The following ARHGAP18 variants were observed in gnomAD, a reference collection of about 807,000 sequenced individuals.
ARHGAP18 encodes the protein Rho GTPase activating protein 18.
ARHGAP18 carries 67 observed loss-of-function variants against 86.2 expected under a neutral mutation model. The observed-to-expected ratio is 0.78, with a 90% CI of 0.64 to 0.95. The LOEUF is 0.95. Among genes scored for constraint, ARHGAP18 ranks in the 40% least tolerant of loss-of-function variants. The pLI, the probability that ARHGAP18 is intolerant of heterozygous loss-of-function variation, is 0.00. For synonymous variants in ARHGAP18, 283 were observed against 280.4 expected (o/e 1.01, Z -0.09); for missense variants, 691 against 780.4 (o/e 0.89, Z 1.37).
chr6:129,629,167 G>A (rs1329008186), intron 5 of ARHGAP18, among the ~76,000 whole-genome samples, 186 bp downstream of exon 5: 1 of 151,834 alleles, frequency 6.6e-6, no homozygotes, highest in African/African-American at 2.4e-5. Context: ...GAGGATTGCT[G>A]GAGCCCAGGA....
chr6:129,679,833 G>A (rs1774294513), intron 1 of ARHGAP18, among the ~76,000 whole-genome samples: 1 of 152,156 alleles, frequency 6.6e-6, no homozygotes, highest in African/African-American at 2.4e-5. Context: ...CTAAAAGTCT[G>A]GAGACTAGAA....
chr6:129,688,344 A>G (rs1774467785), intron 1 of ARHGAP18, among the ~76,000 whole-genome samples: 1 of 128,220 alleles, frequency 7.8e-6, no homozygotes, highest in African/African-American at 2.8e-5. Context: ...ACCTATAGCA[A>G]GGTTTAAAAA....
chr6:129,592,261 C>T (rs2114438434), intron 12 of ARHGAP18, among the ~76,000 whole-genome samples: 1 of 152,282 alleles, frequency 6.6e-6, no homozygotes, highest in African/African-American at 2.4e-5. Context: ...TGAAACAATA[C>T]CTGCAACAAT....
chr6:129,700,891 C>T (rs1774698021), intron 1 of ARHGAP18, among the ~76,000 whole-genome samples: 2 of 151,966 alleles, frequency 1.3e-5, no homozygotes, highest in South Asian at 4.1e-4. Flanking sequence ...TATGCAATCA[C>T]TACGCCTCCT....
At chr6:129,685,149 CT>C (rs1349873114) in intron 1 of ARHGAP18, among the ~76,000 whole-genome samples, 1 of 152,136 alleles carries the variant, frequency 6.6e-6, no homozygotes. Context: ...GTTTTCTTCA[CT>C]TTTGGGCCTC....
At chr6:129,587,947 C>G (rs1442116539) in intron 12 of ARHGAP18, among the ~76,000 whole-genome samples, 1 of 152,142 alleles carries the variant, frequency 6.6e-6, no homozygotes, top group Non-Finnish European at 1.5e-5. Flanking sequence ...TGAGACAAGG[C>G]AAGTCTCTTC....
chr6:129,621,018 T>C (rs9402150), intron 5 of ARHGAP18, among the ~76,000 whole-genome samples: 37,054 of 152,120 alleles, frequency 0.24, 4,783 homozygotes, highest in Non-Finnish European at 0.28. Flanking sequence ...TACACTTAAT[T>C]TTCTTTAGAA....
At chr6:129,676,915 C>CTTTTTTTTTTTTTTTTTTTTTTTT (rs10688716) in intron 1 of ARHGAP18, among the ~76,000 whole-genome samples, 2 of 37,960 alleles carry the variant, frequency 5.3e-5, no homozygotes, top group African/African-American at 1.4e-4. Context: ...TTTTTGTCCT[C>CTTTTTTTTTTTTTTTTTTTTTTTT]TTTTTTTTTT....
At chr6:129,707,613 G>T (rs936025679) in intron 1 of ARHGAP18, among the ~76,000 whole-genome samples, 1 of 151,362 alleles carries the variant, frequency 6.6e-6, no homozygotes, top group Admixed American at 6.6e-5. Context: ...GGGACCACGG[G>T]CATGCACTAC....
intron 4 of ARHGAP18, among the ~76,000 whole-genome samples, chr6:129,631,718 A>T (rs56121356): frequency 1.3e-4 from 20 of 151,620 alleles, no homozygotes; most frequent in Non-Finnish European, 2.4e-4. Context: ...GCCTTAAAAA[A>T]TTTTTTTTAA....
intron 5 of ARHGAP18, among the ~76,000 whole-genome samples, chr6:129,626,383 G>A (rs551888258): frequency 6.6e-6 from 1 of 152,012 alleles, no homozygotes; most frequent in South Asian, 2.1e-4. Flanking sequence ...CCACTAAGAG[G>A]AGGGATTGAA....
At chr6:129,701,002 A>G (rs1277286700) in intron 1 of ARHGAP18, among the ~76,000 whole-genome samples, 1 of 150,880 alleles carries the variant, frequency 6.6e-6, no homozygotes, top group South Asian at 2.1e-4. Flanking sequence ...CCTCCCTTAA[A>G]AAAAAAAAAA....
intron 7 of ARHGAP18, among the ~76,000 whole-genome samples, chr6:129,612,634 A>G (rs1789003625): frequency 6.6e-6 from 1 of 152,214 alleles, no homozygotes; most frequent in Non-Finnish European, 1.5e-5. Context: ...CCTGGAGCTT[A>G]CTGTTTTTCC....
At position 129,625,955 on chromosome 6, in the gene ARHGAP18, TTATATATTTATATATTA is replaced by T. The variant is rs1562698724; in HGVS notation, c.786+3381_786+3397del. ...ATATTATATATTATATATTTATATA[TTATATATTTATATATTA>T]TATATATTTATATTATATATCAAAT... On this transcript the variant is annotated intron_variant, in intron 5 of 14. Transcript: ENST00000368149. Among the ~76,000 whole-genome samples the T allele has an allele frequency of 9.5e-5, 6 of 63,072 alleles. No individual in the cohort carries two copies. The South Asian group carries it at 1.2e-3, about 13-fold the overall frequency. The allele number at this position is 63,072 out of a possible 152,430, so 41.4% of individuals were successfully genotyped here. A position where few individuals can be genotyped will look rare whatever the true frequency, so the allele number is the denominator to read the frequency against.
At chr6:129,640,301 G>A (rs1434752343) in intron 2 of ARHGAP18, among the ~76,000 whole-genome samples, 2 of 152,162 alleles carry the variant, frequency 1.3e-5, no homozygotes, top group South Asian at 2.1e-4. Context: ...TGATCACATA[G>A]TGCATAATAA....
At chr6:129,656,220 T>C (rs969781052) in intron 1 of ARHGAP18, among the ~76,000 whole-genome samples, 9 of 152,192 alleles carry the variant, frequency 5.9e-5, no homozygotes, top group African/African-American at 2.2e-4. Flanking sequence ...AGATAAAATA[T>C]GTAGGGAAAC....
chr6:129,593,330 G>A (rs1346711443), intron 12 of ARHGAP18, among the ~76,000 whole-genome samples: 1 of 152,040 alleles, frequency 6.6e-6, no homozygotes, highest in African/African-American at 2.4e-5. Flanking sequence ...GCATGGTGAT[G>A]CATGCCTGTA....
Position 129,629,854 on chromosome 6 carries a change from T to C in ARHGAP18, c.617-332A>G, listed in dbSNP as rs957832854. 2.6e-5 allele frequency among the ~76,000 whole-genome samples: 4 copies of C among 152,208 alleles called. No individual in the cohort carries two copies. In the East Asian group the frequency reaches 7.7e-4, roughly 29 times the overall value. The stretch of plus-strand genomic sequence containing the variant: ...CAAAAGGTTTTGAAGTATTAATTGT[T>C]GTTTTATTCTACACTGAGAAACTAA... On this transcript the variant is annotated intron_variant, in intron 4 of 14. Coordinates refer to ENST00000368149, the MANE Select transcript of ARHGAP18 (RefSeq NM_033515.3).
intron 1 of ARHGAP18, among the ~76,000 whole-genome samples, chr6:129,692,361 A>G (rs1241175463): frequency 6.6e-6 from 1 of 152,114 alleles, no homozygotes; most frequent in East Asian, 1.9e-4. Flanking sequence ...AGTAACACAG[A>G]GTTCATTCAT....
Sources: gnomAD v4.1 joint callset for allele counts (sites outside exome capture counted in the v4.1 genomes callset) on GRCh38, gnomAD v4.1.1 for gene constraint, MANE v1.5 for transcripts, NCBI Gene and HGNC (gene_info 2026-07-23, HGNC 2026-07-21) for gene names.